Variants in TENM2 observed in about 807,000 individuals in gnomAD.
TENM2 encodes teneurin transmembrane protein 2, also known as teneurin-2.
Under a neutral mutation model 245.2 loss-of-function variants are expected in TENM2, and 52 were observed. The observed-to-expected ratio is 0.21, with a 90% CI of 0.17 to 0.27. The LOEUF is 0.27. Ranked by LOEUF, TENM2 falls within the 10% of genes least tolerant of loss-of-function variation. TENM2 has a pLI of 1.00. For synonymous variants in TENM2, 1,363 were observed against 1,438.9 expected, an observed-to-expected ratio of 0.95 and a Z score of 1.19; for missense variants, 3,046 against 3,666.8, an observed-to-expected ratio of 0.83 and a Z score of 4.37.
chr5:168,165,456 G>A (rs543184822), intron 13 of TENM2, among the ~76,000 whole-genome samples: 1 of 152,212 alleles, frequency 6.6e-6, no homozygotes, highest in Non-Finnish European at 1.5e-5. Context: ...ACAGAGGGGA[G>A]AGAGGAAACT....
chr5:167,361,390 A>T (rs1322628095), intron 1 of TENM2, among the ~76,000 whole-genome samples: 10 of 152,170 alleles, frequency 6.6e-5, no homozygotes, highest in African/African-American at 1.9e-4. Flanking sequence ...TTCTAGTCCA[A>T]ACTTATCTCT....
chr5:167,014,298 CAGA>C, the TENM2 span, among the ~76,000 whole-genome samples: 1 of 151,832 alleles, frequency 6.6e-6, no homozygotes, highest in Non-Finnish European at 1.5e-5. Flanking sequence ...AACAACAGAG[CAGA>C]AGATTTTAGT....
intron 2 of TENM2, among the ~76,000 whole-genome samples, chr5:167,474,500 G>GT (rs1304624820): frequency 1.4e-5 from 2 of 145,656 alleles, no homozygotes; most frequent in Non-Finnish European, 3.0e-5. Context: ...ATACTAGACT[G>GT]TTTTTTTAAA....
chr5:167,751,365 G>C (rs1353856430), intron 2 of TENM2, among the ~76,000 whole-genome samples: 1 of 152,164 alleles, frequency 6.6e-6, no homozygotes, highest in East Asian at 1.9e-4. Flanking sequence ...GATATTGAGA[G>C]GACCGATAGG....
At chr5:168,065,456 A>G (rs1790411976) in intron 7 of TENM2, among the ~76,000 whole-genome samples, 1 of 152,190 alleles carries the variant, frequency 6.6e-6, no homozygotes, top group Non-Finnish European at 1.5e-5. Flanking sequence ...AACCTGCTTC[A>G]CAATACTTGG....
chr5:168,090,218 C>CCACACACACACACACACA (rs3083413), intron 7 of TENM2, among the ~76,000 whole-genome samples: 1 of 136,722 alleles, frequency 7.3e-6, no homozygotes, highest in African/African-American at 2.8e-5. Flanking sequence ...ACTCCCCCCA[C>CCACACACACACACACACA]CACACACACA....
intron 2 of TENM2, among the ~76,000 whole-genome samples, chr5:167,763,543 A>G (rs1036269799): frequency 1.3e-5 from 2 of 152,190 alleles, no homozygotes; most frequent in African/African-American, 4.8e-5. Context: ...GTCAAAGAAA[A>G]GAAAAAAAGA....
intron 2 of TENM2, among the ~76,000 whole-genome samples, chr5:167,583,335 A>C (rs1210058701): frequency 6.6e-6 from 1 of 152,170 alleles, no homozygotes; most frequent in Non-Finnish European, 1.5e-5. Context: ...CGTGGATTGC[A>C]TTCTTAGTTC....
intron 12 of TENM2, among the ~76,000 whole-genome samples, chr5:168,128,551 G>A (rs1334455061): frequency 6.6e-6 from 1 of 152,140 alleles, no homozygotes; most frequent in African/African-American, 2.4e-5. Context: ...CCACATCTGG[G>A]GGACAGAGGG....
chr5:168,125,085 C>G (rs748670654), intron 11 of TENM2, 35 bp downstream of exon 13: 1 of 1,549,640 alleles, frequency 6.5e-7, no homozygotes, highest in Non-Finnish European at 8.8e-7. Flanking sequence ...CTCTCTCCAA[C>G]ACTCCTGCCC....
At chr5:167,382,154 C>G (rs1735990937) in intron 2 of TENM2, among the ~76,000 whole-genome samples, 1 of 152,042 alleles carries the variant, frequency 6.6e-6, no homozygotes, top group South Asian at 2.1e-4. Context: ...GGAGGGAAAA[C>G]CTACTTTAAA....
Position 167,680,262 on chromosome 5 carries a change from C to G in TENM2, c.503-195724C>G, listed in dbSNP as rs765159618. On this transcript the variant is annotated intron_variant, in intron 2 of 28. Coordinates refer to ENST00000518659, the Ensembl canonical transcript of TENM2. ...TTATGGACTTTCAGAAAAAAAATAG[C>G]CACAAGTAGGGACTTTTGGGAAAAA... 5.2e-4 allele frequency among the ~76,000 whole-genome samples: 78 copies of G among 151,328 alleles called. 1 individual carries two copies. The highest frequency in any genetic ancestry group is 8.6e-4 in the Admixed American group (13 of 15,166).
the TENM2 span, among the ~76,000 whole-genome samples, chr5:167,075,612 C>G: frequency 1.3e-5 from 2 of 152,138 alleles, no homozygotes; most frequent in Non-Finnish European, 2.9e-5. Flanking sequence ...GACAAGCTGG[C>G]CTGCACATTC....
chr5:167,853,795 T>G (rs1424138753), intron 2 of TENM2, among the ~76,000 whole-genome samples: 1 of 152,190 alleles, frequency 6.6e-6, no homozygotes, highest in East Asian at 1.9e-4. Flanking sequence ...CCCATGTAAG[T>G]TTTAGATTTT....
Position 167,516,300 on chromosome 5 carries a change from G to A in TENM2, c.502+140827G>A, listed in dbSNP as rs143926918. Among the ~76,000 whole-genome samples, 749 of 152,170 alleles carry A rather than the reference G, an allele frequency of 4.9e-3. 4 individuals are homozygous for A. The highest frequency in any genetic ancestry group is 0.017 in the Middle Eastern group (5 of 294). ...TCATCACATGCCTAAAATCTCAAGT[G>A]TATTTTCACTTTCGTAACCTCTCTA... On this transcript the variant is annotated intron_variant, in intron 2 of 28. Coordinates refer to ENST00000518659, the Ensembl canonical transcript of TENM2.
At chr5:167,214,471 T>G in the TENM2 span, among the ~76,000 whole-genome samples, 2 of 152,284 alleles carry the variant, frequency 1.3e-5, no homozygotes, top group East Asian at 3.9e-4. Context: ...TTTTTGGTAA[T>G]TCAGAGGCAC....
intron 2 of TENM2, among the ~76,000 whole-genome samples, chr5:167,635,091 A>G (rs970096763): frequency 1.3e-5 from 2 of 152,182 alleles, no homozygotes; most frequent in Non-Finnish European, 1.5e-5. Flanking sequence ...GGAAGGAGCT[A>G]TTGAACTTTT....
intron 2 of TENM2, among the ~76,000 whole-genome samples, chr5:167,844,036 A>G (rs945264717): frequency 3.3e-5 from 5 of 152,200 alleles, no homozygotes; most frequent in South Asian, 2.1e-4. Context: ...GAAGATATAC[A>G]TTGAAAGTAT....
intron 13 of TENM2, among the ~76,000 whole-genome samples, chr5:168,178,770 GC>G (rs1433990006): frequency 6.6e-6 from 1 of 152,202 alleles, no homozygotes; most frequent in Non-Finnish European, 1.5e-5. Context: ...ACTGCTTCCA[GC>G]CCCCTGTGAA....
Sources: allele counts gnomAD v4.1 joint callset (sites outside exome capture counted in the v4.1 genomes callset), GRCh38; gene constraint gnomAD v4.1.1; transcripts MANE v1.5; gene names NCBI Gene and HGNC (gene_info 2026-07-23, HGNC 2026-07-21).